LAMA2: variants seen among roughly 807,000 people sequenced by gnomAD.
The protein encoded by LAMA2 is laminin subunit alpha 2.
A neutral mutation model predicts 364.8 loss-of-function variants in LAMA2; 269 were observed. The ratio of observed to expected loss-of-function variants is 0.74; its 90% CI spans 0.67 to 0.82. LAMA2 has a LOEUF of 0.82. Among genes scored for constraint, LAMA2 ranks in the 40% least tolerant of loss-of-function variants. LAMA2 has a pLI of 0.00. For synonymous variants in LAMA2, 1,379 were observed against 1,370.6 expected, an observed-to-expected ratio of 1.01 and a Z score of -0.14; for missense variants, 3,807 against 3,873.2, an observed-to-expected ratio of 0.98 and a Z score of 0.45.
chr6:129,496,352 G>A (rs1389717469), intron 58 of LAMA2, among the ~76,000 whole-genome samples: 1 of 152,128 alleles, frequency 6.6e-6, no homozygotes, highest in African/African-American at 2.4e-5. Flanking sequence ...TTTTAGTAGA[G>A]ACGGGATTTC....
intron 17 of LAMA2, among the ~76,000 whole-genome samples, chr6:129,277,566 A>G (rs527781537): frequency 6.6e-6 from 1 of 152,282 alleles, no homozygotes; most frequent in Non-Finnish European, 1.5e-5. Flanking sequence ...CTTAATTCTT[A>G]CCAGTAGGTT....
intron 28 of LAMA2, among the ~76,000 whole-genome samples, chr6:129,321,188 A>G (rs986372342): frequency 4.6e-5 from 7 of 152,172 alleles, no homozygotes; most frequent in East Asian, 1.9e-4. Flanking sequence ...CTGCTTTTCA[A>G]TAAACTTGCT....
Position 129,456,447 on chromosome 6 carries a change from G to C in LAMA2, c.6820G>C (p.Asp2274His). The C allele has an allele frequency of 6.2e-7, 1 of 1,613,572 alleles. No individual in the cohort carries two copies. The highest frequency in any genetic ancestry group is 1.1e-5 in the South Asian group (1 of 91,076). ...TCCAGGGTACACGATTCTAGATGTG[G>C]ATGCAAATGCAATGCTGTTTGTTGG... ...SPPGYTILDV[D>H]ANAMLFVGGL... The change falls in exon 48 of 65, where the codon GAT (aspartate) becomes CAT (histidine). Residue 2274 changes from aspartate (D) to histidine (H), a missense_variant. Coordinates refer to ENST00000421865, the MANE Select transcript of LAMA2 (RefSeq NM_000426.4).
chr6:128,993,175 G>A (rs780539014), intron 1 of LAMA2, among the ~76,000 whole-genome samples: 1 of 151,960 alleles, frequency 6.6e-6, no homozygotes, highest in Non-Finnish European at 1.5e-5. Context: ...CATCAATCAC[G>A]CCAAAAAACA....
chr6:128,892,883 C>A (rs1776546666), intron 1 of LAMA2, among the ~76,000 whole-genome samples: 5 of 151,796 alleles, frequency 3.3e-5, no homozygotes, highest in Admixed American at 3.3e-4. Flanking sequence ...AAACCTACTT[C>A]AGAAAATCAT....
At chr6:129,374,218 TAG>T (rs1778243019) in intron 34 of LAMA2, among the ~76,000 whole-genome samples, 1 of 152,164 alleles carries the variant, frequency 6.6e-6, no homozygotes. Context: ...GAATTATAAT[TAG>T]AGAGTTAGAT....
At chr6:129,303,913 A>T (rs887799347) in intron 22 of LAMA2, among the ~76,000 whole-genome samples, 1 of 152,202 alleles carries the variant, frequency 6.6e-6, no homozygotes, top group Non-Finnish European at 1.5e-5. Flanking sequence ...TGCAAGCTTC[A>T]TGAAATGGAT....
At chr6:129,119,830 G>A (rs1776702437) in intron 4 of LAMA2, among the ~76,000 whole-genome samples, 2 of 152,194 alleles carry the variant, frequency 1.3e-5, no homozygotes, top group Non-Finnish European at 2.9e-5. Context: ...TTACAGGCGT[G>A]AGCCACTGCT....
chr6:129,510,657 A>G (rs1030343086), intron 62 of LAMA2, among the ~76,000 whole-genome samples: 12 of 152,128 alleles, frequency 7.9e-5, no homozygotes, highest in African/African-American at 2.9e-4. Context: ...AGACAAAAAA[A>G]GCACAGTTCT....
intron 58 of LAMA2, among the ~76,000 whole-genome samples, chr6:129,500,503 C>T (rs1363537631): frequency 6.6e-6 from 1 of 152,170 alleles, no homozygotes; most frequent in African/African-American, 2.4e-5. Context: ...TTGAGGGCTG[C>T]CCGTTGCAGA....
At chr6:129,303,421 G>A (rs571122261) in intron 22 of LAMA2, among the ~76,000 whole-genome samples, 68 of 152,066 alleles carry the variant, frequency 4.5e-4, no homozygotes, top group Admixed American at 8.5e-4. Flanking sequence ...AACTTCTGTG[G>A]CATTTTCTTG....
At chr6:128,942,028 A>G (rs1344193388) in intron 1 of LAMA2, among the ~76,000 whole-genome samples, 1 of 152,234 alleles carries the variant, frequency 6.6e-6, no homozygotes, top group Non-Finnish European at 1.5e-5. Flanking sequence ...AAGCAATCTC[A>G]TTAAAACAAG....
chr6:129,191,169 T>G (rs1283539441), intron 11 of LAMA2, among the ~76,000 whole-genome samples: 2 of 152,088 alleles, frequency 1.3e-5, no homozygotes, highest in Non-Finnish European at 2.9e-5. Flanking sequence ...TTACTTGGAG[T>G]GTCATTGAAG....
intron 12 of LAMA2, among the ~76,000 whole-genome samples, chr6:129,210,797 T>A (rs1351314228): frequency 6.6e-6 from 1 of 152,144 alleles, no homozygotes; most frequent in Non-Finnish European, 1.5e-5. Context: ...TTCAAATGGG[T>A]GACATGGCCA....
intron 35 of LAMA2, among the ~76,000 whole-genome samples, chr6:129,387,832 C>T (rs552472611): frequency 6.6e-6 from 1 of 152,306 alleles, no homozygotes; most frequent in African/African-American, 2.4e-5. Flanking sequence ...TGTTCTCGCT[C>T]ATAAGTGGGA....
intron 61 of LAMA2, among the ~76,000 whole-genome samples, chr6:129,506,525 G>C (rs1786088306): frequency 6.6e-6 from 1 of 151,906 alleles, no homozygotes; most frequent in Non-Finnish European, 1.5e-5. Context: ...ATCCAATTTT[G>C]GATTCAGAAT....
chr6:129,094,743 A>G (rs1775067614), intron 3 of LAMA2, among the ~76,000 whole-genome samples: 1 of 152,188 alleles, frequency 6.6e-6, no homozygotes, highest in Non-Finnish European at 1.5e-5. Flanking sequence ...CACTTGGAAT[A>G]TTTACCTAGA....
intron 12 of LAMA2, among the ~76,000 whole-genome samples, chr6:129,228,031 G>C (rs949332726): frequency 1.3e-5 from 2 of 152,050 alleles, no homozygotes; most frequent in Non-Finnish European, 2.9e-5. Context: ...CGGCAATGGC[G>C]GGCGCCCCTC....
At chr6:129,325,122 T>C (rs932321195) in intron 28 of LAMA2, among the ~76,000 whole-genome samples, 2 of 152,198 alleles carry the variant, frequency 1.3e-5, no homozygotes, top group Non-Finnish European at 2.9e-5. Context: ...TCTGCTTCAT[T>C]CTCTCCTCTC....
Sources: gnomAD v4.1 joint callset for allele counts (sites outside exome capture counted in the v4.1 genomes callset) on GRCh38, gnomAD v4.1.1 for gene constraint, MANE v1.5 for transcripts, NCBI Gene and HGNC (gene_info 2026-07-23, HGNC 2026-07-21) for gene names.